The following SLC16A12 variants were observed in gnomAD, a reference collection of about 807,000 sequenced individuals.
The protein encoded by SLC16A12 is monocarboxylate transporter 12.
Under a neutral mutation model 42.4 loss-of-function variants are expected in SLC16A12, and 17 were observed. That is an observed-to-expected ratio of 0.40 (90% CI 0.27 to 0.60). SLC16A12 has a LOEUF of 0.60. SLC16A12 is among the 20% of genes least tolerant of loss of function. SLC16A12 has a pLI of 0.42. For synonymous variants in SLC16A12, 224 were observed against 229.4 expected (o/e 0.98, Z 0.21); for missense variants, 544 against 623.0 (o/e 0.87, Z 1.35).
At chr10:89,530,894 A>G (rs934579401) in intron 2 of SLC16A12, among the ~76,000 whole-genome samples, 2 of 152,260 alleles carry the variant, frequency 1.3e-5, no homozygotes, top group East Asian at 1.9e-4. Context: ...TTTGCTTATT[A>G]TGGACATTTC....
chr10:89,527,732 A>C (rs1843478203), intron 2 of SLC16A12, among the ~76,000 whole-genome samples: 1 of 151,882 alleles, frequency 6.6e-6, no homozygotes, highest in Non-Finnish European at 1.5e-5. Context: ...TGAGCCTAGT[A>C]GTTCAAGGCT....
chr10:89,548,394 G>C (rs1843752885), intron 2 of SLC16A12, among the ~76,000 whole-genome samples: 1 of 152,176 alleles, frequency 6.6e-6, no homozygotes, highest in Non-Finnish European at 1.5e-5. Context: ...GGAGCCAAGG[G>C]GAAGAGTCAA....
rs1589654485 is a variant in SLC16A12, at chr10:89,432,901, T to G, written c.*163A>C. The G allele has an allele frequency of 1.4e-5, 14 of 994,792 alleles. No individual in the cohort carries two copies. The South Asian group carries it at 2.5e-4, about 17-fold the overall frequency. 61.6% of individuals were successfully genotyped at this position (994,792 alleles called of 1,614,324 possible). A position where few individuals can be genotyped will look rare whatever the true frequency, so the allele number is the denominator to read the frequency against. On this transcript the variant is annotated 3_prime_UTR_variant, in exon 8 of 8. Transcript: ENST00000371790. ...TCTGGGCTAGTCCAGCTTTCCTTAT[T>G]ATGTGCTGTTTTCCCTTATAAATAT... is the stretch of plus-strand genomic sequence containing the variant.
At chr10:89,525,728 C>T (rs540698585) in intron 2 of SLC16A12, among the ~76,000 whole-genome samples, 4 of 152,198 alleles carry the variant, frequency 2.6e-5, no homozygotes, top group East Asian at 1.9e-4. Flanking sequence ...ACCAAAGAGC[C>T]GGCTGGCATT....
chr10:89,512,018 T>TG (rs1363435151), intron 2 of SLC16A12, among the ~76,000 whole-genome samples: 2 of 152,328 alleles, frequency 1.3e-5, no homozygotes, highest in Non-Finnish European at 2.9e-5. Flanking sequence ...AAATGAAGCC[T>TG]GAAGACATTA....
intron 2 of SLC16A12, among the ~76,000 whole-genome samples, chr10:89,542,574 G>A (rs542449949): frequency 1.3e-4 from 20 of 152,202 alleles, no homozygotes; most frequent in African/African-American, 4.8e-4. Context: ...AAAGTTCTGG[G>A]ATTACACGTG....
At chr10:89,472,288 AATAATAAT>A (rs1842507718) in intron 2 of SLC16A12, among the ~76,000 whole-genome samples, 1 of 100,706 alleles carries the variant, frequency 9.9e-6, no homozygotes, top group Non-Finnish European at 2.2e-5. Flanking sequence ...TTTTTACATT[AATAATAAT>A]GTAATAATAA....
chr10:89,500,295 C>T (rs1040734998), intron 2 of SLC16A12, among the ~76,000 whole-genome samples: 1 of 152,086 alleles, frequency 6.6e-6, no homozygotes, highest in Admixed American at 6.5e-5. Context: ...TTCTATGAAG[C>T]CAGTATCACC....
At chr10:89,552,272 G>T (rs1016770126) in intron 2 of SLC16A12, among the ~76,000 whole-genome samples, 41 of 152,136 alleles carry the variant, frequency 2.7e-4, no homozygotes, top group Non-Finnish European at 3.4e-4. Flanking sequence ...TAAGTACAAA[G>T]ATATCACAAG....
intron 2 of SLC16A12, among the ~76,000 whole-genome samples, chr10:89,507,601 C>A (rs1181158350): frequency 6.6e-6 from 1 of 152,204 alleles, no homozygotes; most frequent in African/African-American, 2.4e-5. Context: ...AAAGGAACAA[C>A]CGGCATCAGC....
chr10:89,465,065 G>A (rs1294534515), intron 2 of SLC16A12, among the ~76,000 whole-genome samples: 1 of 152,182 alleles, frequency 6.6e-6, no homozygotes, highest in African/African-American at 2.4e-5. Flanking sequence ...TACTGGTGTT[G>A]GGGCTAAGTG....
chr10:89,550,746 T>C (rs1185751076), intron 2 of SLC16A12, among the ~76,000 whole-genome samples: 1 of 152,118 alleles, frequency 6.6e-6, no homozygotes, highest in Middle Eastern at 3.4e-3. Flanking sequence ...AAGCCAGGGA[T>C]GCAGAAGGCT....
Position 89,430,492 on chromosome 10 carries a change from T to C in SLC16A12, c.*2572A>G, listed in dbSNP as rs1841678508. On this transcript the variant is annotated 3_prime_UTR_variant, in exon 8 of 8. Transcript: ENST00000371790. ...GCTTACAGTAGTAGAAAGAAATATT[T>C]AAGATGTAAAATTATCCCACTATAA... 3 of 402,456 alleles carry C rather than the reference T, an allele frequency of 7.5e-6. No individual in the cohort carries two copies. Among genetic ancestry groups the C allele is most frequent in the Non-Finnish European group, 1.5e-5 (3 of 206,558 alleles). 24.9% of individuals were successfully genotyped at this position (402,456 alleles called of 1,614,324 possible). A position where few individuals can be genotyped will look rare whatever the true frequency, so the allele number is the denominator to read the frequency against.
At chr10:89,527,479 C>T (rs148846358) in intron 2 of SLC16A12, among the ~76,000 whole-genome samples, 1,770 of 146,550 alleles carry the variant, frequency 0.012, 38 homozygotes, top group African/African-American at 0.044. Flanking sequence ...TGAGACTCCA[C>T]CTCAAAAAAA....
chr10:89,434,806 C>T (rs929305619), intron 7 of SLC16A12, among the ~76,000 whole-genome samples: 1 of 152,202 alleles, frequency 6.6e-6, no homozygotes, highest in African/African-American at 2.4e-5. Context: ...ATTTACCTCG[C>T]ATGAGCATCA....
intron 3 of SLC16A12, among the ~76,000 whole-genome samples, chr10:89,449,241 G>T (rs1008187784): frequency 6.6e-6 from 1 of 152,136 alleles, no homozygotes; most frequent in Admixed American, 6.5e-5. Context: ...TTTCTTCACA[G>T]AATTGGAAAA....
rs903897526 is a variant in SLC16A12, at chr10:89,432,045, T to C, written c.*1019A>G. 6 of 152,642 alleles carry C rather than the reference T, an allele frequency of 3.9e-5. No homozygotes were observed. The highest frequency in any genetic ancestry group is 8.8e-5 in the Non-Finnish European group (6 of 68,030). The allele number at this position is 152,642 out of a possible 1,614,324, so 9.5% of individuals were successfully genotyped here. ...GGTAATGATAAAACTAAATGTCTGA[T>C]CTGCAAAGAAAACTCTCACCAGAGA... On this transcript the variant is annotated 3_prime_UTR_variant, in exon 8 of 8. Coordinates refer to ENST00000371790, the MANE Select transcript of SLC16A12 (RefSeq NM_213606.4).
intron 3 of SLC16A12, among the ~76,000 whole-genome samples, chr10:89,451,862 C>T (rs191921195): frequency 1.2e-4 from 18 of 152,218 alleles, no homozygotes; most frequent in Admixed American, 3.9e-4. Flanking sequence ...GCTAGGCCCA[C>T]GATTTGAGAG....
At chr10:89,535,612 C>T (rs1231348007), upstream of SLC16A12, 2 of 152,394 alleles carry the variant, frequency 1.3e-5, no homozygotes, top group African/African-American at 2.4e-5. Flanking sequence ...GCCCAGAGCG[C>T]GCAGACCACC....
Sources: allele counts gnomAD v4.1 joint callset (sites outside exome capture counted in the v4.1 genomes callset), GRCh38; gene constraint gnomAD v4.1.1; transcripts MANE v1.5; gene names NCBI Gene and HGNC (gene_info 2026-07-23, HGNC 2026-07-21).